The following GLRX3 variants were observed in gnomAD, a reference collection of about 807,000 sequenced individuals.
The protein encoded by GLRX3 is glutaredoxin-3.
Under a neutral mutation model 49.5 loss-of-function variants are expected in GLRX3, and 22 were observed. The observed-to-expected ratio is 0.44, with a 90% CI of 0.32 to 0.63. GLRX3 has a LOEUF of 0.63. Ranked by LOEUF, GLRX3 falls within the 30% of genes least tolerant of loss-of-function variation. The probability of loss-of-function intolerance (pLI) is 0.05; values close to 1 mark genes in which losing one functional copy is unlikely to be tolerated. For missense variants in GLRX3, 385 were observed against 396.3 expected, an observed-to-expected ratio of 0.97 and a Z score of 0.24; for synonymous variants, 133 against 140.0, an observed-to-expected ratio of 0.95 and a Z score of 0.35.
At chr10:130,174,646 A>G (rs1862879167) in intron 8 of GLRX3, among the ~76,000 whole-genome samples, 1 of 152,226 alleles carries the variant, frequency 6.6e-6, no homozygotes, top group Non-Finnish European at 1.5e-5. Context: ...GGTCTAACCC[A>G]ATATTGTCCG....
intron 1 of GLRX3, 58 bp from the exon 2 acceptor site, chr10:130,145,153 A>G: frequency 1.5e-6 from 1 of 684,902 alleles, no homozygotes; most frequent in Non-Finnish European, 2.5e-6. Flanking sequence ...TTATATCAGT[A>G]TTTGTGTATT....
intron 2 of GLRX3, among the ~76,000 whole-genome samples, chr10:130,157,472 A>C (rs1862493161): frequency 1.8e-5 from 2 of 110,770 alleles, no homozygotes; most frequent in East Asian, 2.8e-4. Context: ...CAGGCCTTCA[A>C]CCTATTGGAT....
intron 10 of GLRX3, among the ~76,000 whole-genome samples, chr10:130,178,643 T>G (rs1015803956): frequency 9.7e-4 from 148 of 152,348 alleles, no homozygotes; most frequent in African/African-American, 3.5e-3. Flanking sequence ...TTGGCTCCAG[T>G]TGCTGCGTTT....
At position 130,136,537 on chromosome 10, in the gene GLRX3, A is replaced by G; in HGVS notation, c.92+25A>G. 1.6e-6 allele frequency: 2 copies of G among 1,256,674 alleles called. No homozygotes were observed. The highest frequency in any genetic ancestry group is 2.0e-6 in the Non-Finnish European group (2 of 994,516). The allele number at this position is 1,256,674 out of a possible 1,614,324, so 77.8% of individuals were successfully genotyped here. ...AGTAAGCGGGGCGGCGAGCGGTAGG[A>G]GTGAGGAGCCGGAGCGGGAGCGGCC... is the stretch of plus-strand genomic sequence containing the variant. On this transcript the variant is annotated intron_variant, in intron 1 of 10. Coordinates refer to ENST00000331244, the MANE Select transcript of GLRX3 (RefSeq NM_006541.5).
intron 4 of GLRX3, among the ~76,000 whole-genome samples, chr10:130,165,431 T>C (rs1862661894): frequency 1.3e-5 from 2 of 152,218 alleles, no homozygotes; most frequent in South Asian, 4.1e-4. Context: ...AGAATAAAAA[T>C]GTGTCACAAA....
chr10:130,177,590 A>G (rs1241451409), intron 10 of GLRX3, among the ~76,000 whole-genome samples: 2 of 152,174 alleles, frequency 1.3e-5, no homozygotes, highest in African/African-American at 2.4e-5. Flanking sequence ...CCATCCCATA[A>G]CTAGTAAGCC....
rs145178732 is a variant in GLRX3 at position 130,141,340 on chromosome 10, A to G, written c.93-3871A>G. Among the ~76,000 whole-genome samples the G allele has an allele frequency of 2.0e-3, 311 of 152,308 alleles. 2 individuals are homozygous for G. Among genetic ancestry groups the G allele is most frequent in the African/African-American group, 7.2e-3 (301 of 41,562 alleles). ...TTTTTTTTGGTCAATTTGGTGGAAA[A>G]TGGTATCCCAGCTTTAAAAAGAAAT... On this transcript the variant is annotated intron_variant, in intron 1 of 10. Transcript: ENST00000331244.
chr10:130,155,704 G>A (rs1862458724), intron 2 of GLRX3, among the ~76,000 whole-genome samples: 3 of 152,158 alleles, frequency 2.0e-5, no homozygotes, highest in Admixed American at 1.3e-4. Context: ...GGCCTGGGCT[G>A]GGAAGAAGTT....
chr10:130,160,417 G>T (rs1220407726), intron 3 of GLRX3, among the ~76,000 whole-genome samples: 2 of 152,176 alleles, frequency 1.3e-5, no homozygotes, highest in Non-Finnish European at 2.9e-5. Flanking sequence ...TCTCTGGCTG[G>T]TTCTGGTTTG....
At chr10:130,178,420 G>C (rs1862963821) in intron 10 of GLRX3, among the ~76,000 whole-genome samples, 1 of 151,792 alleles carries the variant, frequency 6.6e-6, no homozygotes, top group Non-Finnish European at 1.5e-5. Flanking sequence ...ATGCCCACCT[G>C]GCTAATTTTT....
Position 130,148,163 on chromosome 10 carries a change from G to A in GLRX3, c.201+2844G>A, listed in dbSNP as rs549177648. 2.0e-5 allele frequency among the ~76,000 whole-genome samples: 3 copies of A among 152,076 alleles called. No individual in the cohort carries two copies. The East Asian group carries it at 5.8e-4, about 29-fold the overall frequency. On this transcript the variant is annotated intron_variant, in intron 2 of 10. Transcript: ENST00000331244. ...TCTTAGTCTTTTTTTTGGAGACAAG[G>A]TCTCACTCTTATTGCCCAGGCTGTA...
intron 10 of GLRX3, among the ~76,000 whole-genome samples, chr10:130,178,106 C>G (rs1289549947): frequency 6.6e-6 from 1 of 152,122 alleles, no homozygotes; most frequent in Non-Finnish European, 1.5e-5. Flanking sequence ...TTCCCTCTTA[C>G]TGGTACTCTA....
intron 8 of GLRX3, among the ~76,000 whole-genome samples, chr10:130,171,837 A>T (rs1862816352): frequency 6.6e-6 from 1 of 152,130 alleles, no homozygotes; most frequent in African/African-American, 2.4e-5. Flanking sequence ...ATGGTCACAT[A>T]CATCTATGGT....
intron 10 of GLRX3, among the ~76,000 whole-genome samples, chr10:130,178,092 G>C (rs1193572723): frequency 6.6e-6 from 1 of 152,134 alleles, no homozygotes; most frequent in East Asian, 1.9e-4. Context: ...AATGGTTTCT[G>C]CCTTTCCCTC....
intron 2 of GLRX3, among the ~76,000 whole-genome samples, chr10:130,147,435 G>A (rs1862289981): frequency 6.6e-6 from 1 of 152,172 alleles, no homozygotes; most frequent in Non-Finnish European, 1.5e-5. Flanking sequence ...GAGATTTTAA[G>A]TTGTTCAAGT....
intron 8 of GLRX3, among the ~76,000 whole-genome samples, chr10:130,172,566 C>G (rs2134923765): frequency 6.6e-6 from 1 of 152,296 alleles, no homozygotes; most frequent in East Asian, 1.9e-4. Flanking sequence ...AAATAAATTA[C>G]TTTCAAGTAA....
chr10:130,150,988 C>T (rs1033133282), intron 2 of GLRX3, among the ~76,000 whole-genome samples: 21 of 148,656 alleles, frequency 1.4e-4, no homozygotes, highest in African/African-American at 3.7e-4. Flanking sequence ...AGTGCAATGG[C>T]GTGAACTCAG....
At chr10:130,137,434 T>A (rs1227114440) in intron 1 of GLRX3, among the ~76,000 whole-genome samples, 1 of 152,158 alleles carries the variant, frequency 6.6e-6, no homozygotes, top group Non-Finnish European at 1.5e-5. Flanking sequence ...GTTCTCTTAG[T>A]TGTATTATTA....
At position 130,159,923 on chromosome 10, in the gene GLRX3, A is replaced by G. The variant is rs528300374; in HGVS notation, c.202-72A>G. ...GCTACTTGAAGGGATAATGCATGTG[A>G]AACTGATTTACATATTAAAGTAGTG... On this transcript the variant is annotated intron_variant, in intron 2 of 10. Coordinates refer to ENST00000331244, the MANE Select transcript of GLRX3 (RefSeq NM_006541.5). 29 of 1,269,496 alleles carry G rather than the reference A, an allele frequency of 2.3e-5. No individual in the cohort carries two copies. In the Admixed American group the frequency reaches 5.1e-4, roughly 22 times the overall value. 78.6% of individuals were successfully genotyped at this position (1,269,496 alleles called of 1,614,324 possible).
Sources: gnomAD v4.1 joint callset for allele counts (sites outside exome capture counted in the v4.1 genomes callset) on GRCh38, gnomAD v4.1.1 for gene constraint, MANE v1.5 for transcripts, NCBI Gene and HGNC (gene_info 2026-07-23, HGNC 2026-07-21) for gene names.